The following GCNT1 variants were observed in gnomAD, a reference collection of about 807,000 sequenced individuals.
GCNT1 encodes the protein beta-1,3-galactosyl-O-glycosyl-glycoprotein beta-1,6-N-acetylglucosaminyltransferase.
In GCNT1, 16 loss-of-function variants were observed where a neutral mutation model predicts 26.2. The observed-to-expected ratio is 0.61, with a 90% confidence interval of 0.41 to 0.93. The LOEUF (loss-of-function observed/expected upper bound fraction) is 0.93. Ranked by LOEUF, GCNT1 falls within the 40% of genes least tolerant of loss-of-function variation. The pLI is 0.00. For synonymous variants in GCNT1, 183 were observed against 190.8 expected (o/e 0.96, Z 0.34); for missense variants, 477 against 526.7 (o/e 0.91, Z 0.92).
upstream of GCNT1, among the ~76,000 whole-genome samples, chr9:76,415,565 G>A (rs1823125474): frequency 6.6e-6 from 1 of 152,214 alleles, no homozygotes; most frequent in South Asian, 2.1e-4. Flanking sequence ...GAAGGGTAGA[G>A]GGAAGCCATT....
chr9:76,394,224 G>A, the GCNT1 span: 2 of 1,527,298 alleles, frequency 1.3e-6, no homozygotes, highest in Non-Finnish European at 1.8e-6. Context: ...GTCCTGCGGA[G>A]CCGCCGTCGA....
chr9:76,402,167 CAG>C, the GCNT1 span, among the ~76,000 whole-genome samples: 1 of 152,176 alleles, frequency 6.6e-6, no homozygotes, highest in South Asian at 2.1e-4. Context: ...ACTAGGTAAA[CAG>C]AGGAGAGGCA....
At chr9:76,399,253 G>GCA in the GCNT1 span, 19 of 1,477,686 alleles carry the variant, frequency 1.3e-5, no homozygotes, top group South Asian at 9.0e-5. Context: ...TTCTGCGCAT[G>GCA]TGTAGCACGA....
At chr9:76,405,026 C>G in the GCNT1 span, among the ~76,000 whole-genome samples, 1 of 151,724 alleles carries the variant, frequency 6.6e-6, no homozygotes, top group Non-Finnish European at 1.5e-5. Flanking sequence ...GCCATGTTGA[C>G]CAGGCTGGTC....
At chr9:76,488,777 C>T (rs1396472145) in intron 2 of GCNT1, among the ~76,000 whole-genome samples, 1 of 152,210 alleles carries the variant, frequency 6.6e-6, no homozygotes, top group African/African-American at 2.4e-5. Flanking sequence ...AGCCACTGTG[C>T]CCAGCCTAAG....
chr9:76,401,985 G>T, the GCNT1 span, among the ~76,000 whole-genome samples: 3 of 152,236 alleles, frequency 2.0e-5, no homozygotes, highest in Non-Finnish European at 2.9e-5. Context: ...CAAATTGTGG[G>T]AAGGCAAAAT....
chr9:76,406,515 G>A, the GCNT1 span, among the ~76,000 whole-genome samples: 8 of 143,824 alleles, frequency 5.6e-5, no homozygotes, highest in East Asian at 8.1e-4. Flanking sequence ...AAAAAAAAAA[G>A]AAAGAAAGAA....
At chr9:76,397,788 A>C in the GCNT1 span, among the ~76,000 whole-genome samples, 1 of 152,190 alleles carries the variant, frequency 6.6e-6, no homozygotes. Context: ...TAAACCCTCC[A>C]AGAGTTGTAC....
intron 3 of GCNT1, among the ~76,000 whole-genome samples, chr9:76,501,337 A>G (rs1249450720): frequency 2.0e-5 from 3 of 152,212 alleles, no homozygotes; most frequent in Non-Finnish European, 2.9e-5. Flanking sequence ...AAACAAAGCT[A>G]TTTAATGTTT....
Position 76,503,979 on chromosome 9 carries a change from G to T in GCNT1, c.*311G>T, listed in dbSNP as rs1825166142. ...GGGAAGAGGCCGATGCATAAAGTCAGCCTGTTCAAAGTGCTCAGGGACTTA... is the reference window on the plus strand; with the variant it reads ...GGGAAGAGGCCGATGCATAAAGTCATCCTGTTCAAAGTGCTCAGGGACTTA... On this transcript the variant is annotated 3_prime_UTR_variant, in exon 4 of 4. Coordinates refer to ENST00000376730, the MANE Select transcript of GCNT1 (RefSeq NM_001490.5). The T allele has an allele frequency of 5.4e-6, 2 of 371,978 alleles. No homozygotes were observed. The highest frequency in any genetic ancestry group is 1.0e-5 in the Non-Finnish European group (2 of 191,170). 23.0% of individuals were successfully genotyped at this position (371,978 alleles called of 1,614,324 possible). A position where few individuals can be genotyped will look rare whatever the true frequency, so the allele number is the denominator to read the frequency against.
intron 2 of GCNT1, among the ~76,000 whole-genome samples, chr9:76,464,030 C>CT (rs1192946211): frequency 0.016 from 2,082 of 128,080 alleles, 17 homozygotes; most frequent in Non-Finnish European, 0.025. Context: ...ACTCCCATCT[C>CT]TTTTTTTGTT....
Position 76,503,164 on chromosome 9 carries a change from C to G in GCNT1, c.783C>G (p.Val261=), listed in dbSNP as rs372561524. 1.3e-4 allele frequency: 203 copies of G among 1,613,944 alleles called. No homozygotes were observed. The highest frequency in any genetic ancestry group is 1.6e-4 in the Non-Finnish European group (194 of 1,180,022). The change falls in exon 4 of 4, where the codon GTC becomes GTG. Residue 261 remains valine, a synonymous_variant. Coordinates refer to ENST00000376730, the MANE Select transcript of GCNT1 (RefSeq NM_001490.5). Reference sequence around the variant, plus strand: ...AAAGGTGGAAGAAGCGGTATGAGGTCGTTAATGGAAAGCTGACAAACACAG... The same window carrying G: ...AAAGGTGGAAGAAGCGGTATGAGGTGGTTAATGGAAAGCTGACAAACACAG... ...KEERWKKRYE[V]VNGKLTNTGT...
the GCNT1 span, among the ~76,000 whole-genome samples, chr9:76,414,355 T>C: frequency 1.3e-5 from 2 of 152,226 alleles, no homozygotes; most frequent in African/African-American, 4.8e-5. Context: ...AAGCATTCTA[T>C]GGTCCTATCG....
rs574201995 is a variant in GCNT1 at position 76,507,184 on chromosome 9, C to T, written c.*3516C>T. The T allele has an allele frequency of 6.0e-6, 1 of 167,072 alleles. No individual in the cohort carries two copies. Among genetic ancestry groups the T allele is most frequent in the East Asian group, 1.9e-4 (1 of 5,194 alleles). The allele number at this position is 167,072 out of a possible 1,614,324, so 10.3% of individuals were successfully genotyped here. A position where few individuals can be genotyped will look rare whatever the true frequency, so the allele number is the denominator to read the frequency against. On this transcript the variant is annotated 3_prime_UTR_variant, in exon 4 of 4. Transcript: ENST00000376730. Reference sequence around the variant, plus strand: ...GTGAAAAACAATGATTGTATGGGTACTCAAAGTATAATTTCTACTGAATGC... The same window carrying T: ...GTGAAAAACAATGATTGTATGGGTATTCAAAGTATAATTTCTACTGAATGC...
In GCNT1 at chr9:76,450,790, T is replaced by C. The variant is rs377706520; in HGVS notation, c.-290+8475T>C. 2.6e-5 allele frequency among the ~76,000 whole-genome samples: 4 copies of C among 152,348 alleles called. No homozygotes were observed. In the East Asian group the frequency reaches 5.8e-4, roughly 22 times the overall value. ...AAATTAATTTTTGCTTACATACTAT[T>C]GCATATATTTTCTAGTTTGTTGACT... On this transcript the variant is annotated intron_variant, in intron 1 of 2. Transcript: ENST00000442371.
At position 76,491,940 on chromosome 9, in the gene GCNT1, A is replaced by G. The variant is rs145055684; in HGVS notation, c.-289-8976A>G. On this transcript the variant is annotated intron_variant, in intron 2 of 3. Coordinates refer to ENST00000376730, the MANE Select transcript of GCNT1 (RefSeq NM_001490.5). ...CATTTACATCATGAGTAGTCCAGAC[A>G]GTGAGATCCTTTCCTTGTATTATTT... 1.4e-3 allele frequency among the ~76,000 whole-genome samples: 206 copies of G among 152,334 alleles called. 1 individual carries two copies. The East Asian group carries it at 0.035, about 26-fold the overall frequency.
At chr9:76,454,795 C>A (rs1475646473), upstream of GCNT1, among the ~76,000 whole-genome samples, 4 of 151,604 alleles carry the variant, frequency 2.6e-5, no homozygotes, top group African/African-American at 9.7e-5. Context: ...TTCCTGAGGC[C>A]CCCCCAGCCA....
chr9:76,412,880 C>A, the GCNT1 span, among the ~76,000 whole-genome samples: 2 of 152,212 alleles, frequency 1.3e-5, no homozygotes, highest in Non-Finnish European at 2.9e-5. Context: ...TCAGTCACAG[C>A]ATGATTTCAT....
At chr9:76,403,912 T>A in the GCNT1 span, among the ~76,000 whole-genome samples, 3 of 152,194 alleles carry the variant, frequency 2.0e-5, no homozygotes, top group African/African-American at 7.2e-5. Flanking sequence ...GTATAGGAGA[T>A]AAAGATGCTA....
Sources: gnomAD v4.1 joint callset for allele counts (sites outside exome capture counted in the v4.1 genomes callset) on GRCh38, gnomAD v4.1.1 for gene constraint, MANE v1.5 for transcripts, NCBI Gene and HGNC (gene_info 2026-07-23, HGNC 2026-07-21) for gene names.